Variants in PREX1 observed in about 807,000 individuals in gnomAD.
PREX1 encodes phosphatidylinositol-3,4,5-trisphosphate dependent Rac exchange factor 1.
A neutral mutation model predicts 198.3 loss-of-function variants in PREX1; 41 were observed. The observed-to-expected ratio is 0.21, with a 90% CI of 0.16 to 0.27. PREX1 has a LOEUF of 0.27. Ranked by LOEUF, PREX1 falls within the 10% of genes least tolerant of loss-of-function variation. PREX1 has a pLI of 1.00. For synonymous variants in PREX1, 843 were observed against 887.2 expected, an observed-to-expected ratio of 0.95 and a Z score of 0.89; for missense variants, 1,620 against 2,200.7, an observed-to-expected ratio of 0.74 and a Z score of 5.28.
intron 1 of PREX1, among the ~76,000 whole-genome samples, chr20:48,805,591 C>A (rs2090408425): frequency 6.6e-6 from 1 of 152,218 alleles, no homozygotes. Context: ...GAGGGGCAGC[C>A]AGCACCACAC....
At chr20:48,738,715 G>T (rs1293006589) in intron 3 of PREX1, among the ~76,000 whole-genome samples, 1 of 152,118 alleles carries the variant, frequency 6.6e-6, no homozygotes, top group African/African-American at 2.4e-5. Context: ...GCTGGAAACA[G>T]CCAGGGGAGG....
intron 1 of PREX1, among the ~76,000 whole-genome samples, chr20:48,783,396 G>C (rs1311727014): frequency 6.6e-6 from 1 of 152,054 alleles, no homozygotes; most frequent in Non-Finnish European, 1.5e-5. Flanking sequence ...GGAGGAACCA[G>C]TTACAGGGGC....
At chr20:48,694,925 ATGAGAAAGGATGAGGGTGTGTATGTG>A (rs2089837714) in intron 7 of PREX1, among the ~76,000 whole-genome samples, 1 of 152,160 alleles carries the variant, frequency 6.6e-6, no homozygotes, top group Admixed American at 6.5e-5. Flanking sequence ...AATCAACAAG[ATGAGAAAGGATGAGGGTGTGTATGTG>A]TGTGTTTGTG....
intron 14 of PREX1, among the ~76,000 whole-genome samples, chr20:48,675,510 G>T (rs140546458): frequency 6.6e-6 from 1 of 152,316 alleles, no homozygotes; most frequent in African/African-American, 2.4e-5. Flanking sequence ...AGTAAAATGA[G>T]CCAGGCACAA....
chr20:48,670,397 A>G (rs1422879125), intron 14 of PREX1, among the ~76,000 whole-genome samples: 1 of 150,980 alleles, frequency 6.6e-6, no homozygotes, highest in African/African-American at 2.4e-5. Flanking sequence ...GCATTTCTGC[A>G]GAGCCAGCAT....
At chr20:48,762,126 T>C (rs926336474) in intron 1 of PREX1, among the ~76,000 whole-genome samples, 4 of 152,200 alleles carry the variant, frequency 2.6e-5, no homozygotes, top group Non-Finnish European at 4.4e-5. Flanking sequence ...CAGACATCAC[T>C]AATGGAATGC....
In PREX1 at chr20:48,728,956, T is replaced by G. The variant is rs553871864; in HGVS notation, c.520-2565A>C. On this transcript the variant is annotated intron_variant, in intron 4 of 39. Transcript: ENST00000371941. Reference sequence around the variant, plus strand: ...AATGCTCAAAATTCACAGAAGTGAGTTAGATGAGGCGTCAACCTCATGGTC... The same window carrying G: ...AATGCTCAAAATTCACAGAAGTGAGGTAGATGAGGCGTCAACCTCATGGTC... Among the ~76,000 whole-genome samples the G allele has an allele frequency of 2.0e-5, 3 of 152,248 alleles. No homozygotes were observed. In the South Asian group the frequency reaches 6.2e-4, roughly 32 times the overall value.
intron 10 of PREX1, 35 bp from the exon 11 acceptor site, chr20:48,681,370 C>G: frequency 3.7e-6 from 6 of 1,602,768 alleles, no homozygotes; most frequent in Non-Finnish European, 5.1e-6. Context: ...GAGAGGATTT[C>G]CCCAATTCTG....
Position 48,624,412 on chromosome 20 carries a change from T to C in PREX1, c.*1473A>G, listed in dbSNP as rs991476248. 1 of 152,664 alleles carries C rather than the reference T, an allele frequency of 6.6e-6. No homozygotes were observed. The highest frequency in any genetic ancestry group is 6.5e-5 in the Admixed American group (1 of 15,286). The allele number at this position is 152,664 out of a possible 1,614,324, so 9.5% of individuals were successfully genotyped here. A position where few individuals can be genotyped will look rare whatever the true frequency, so the allele number is the denominator to read the frequency against. On this transcript the variant is annotated 3_prime_UTR_variant, in exon 40 of 40. Transcript: ENST00000371941. ...AAAGCGGGTCCTCCTTTGTCTCTGA[T>C]GCAAGATACAGTGACAAGGCCACTG...
intron 31 of PREX1, among the ~76,000 whole-genome samples, chr20:48,637,164 T>G (rs1195595628): frequency 1.3e-5 from 2 of 152,244 alleles, no homozygotes; most frequent in Non-Finnish European, 2.9e-5. Context: ...GTCCTTGACC[T>G]TGGCATGGTC....
chr20:48,661,468 T>TATATATATATATATATACAC (rs1373152651), intron 15 of PREX1, among the ~76,000 whole-genome samples: 11 of 76,800 alleles, frequency 1.4e-4, no homozygotes, highest in African/African-American at 8.0e-4. Context: ...TATATATATA[T>TATATATATATATATATACAC]ACACACACAT....
intron 15 of PREX1, among the ~76,000 whole-genome samples, chr20:48,663,098 C>T (rs182692153): frequency 5.8e-4 from 89 of 152,302 alleles, no homozygotes; most frequent in South Asian, 2.7e-3. Flanking sequence ...TACCTGCCCA[C>T]CTCAGCTGGG....
intron 15 of PREX1, among the ~76,000 whole-genome samples, chr20:48,660,624 T>C (rs888253447): frequency 6.6e-6 from 1 of 152,198 alleles, no homozygotes; most frequent in African/African-American, 2.4e-5. Flanking sequence ...AAAAGGAGTC[T>C]GTGTATAAGA....
chr20:48,672,105 C>G (rs2089679358), intron 14 of PREX1, among the ~76,000 whole-genome samples: 1 of 152,220 alleles, frequency 6.6e-6, no homozygotes, highest in Admixed American at 6.5e-5. Context: ...GCACCAGCCA[C>G]CAACACTGGA....
At chr20:48,808,057 G>A (rs2090419761) in intron 1 of PREX1, among the ~76,000 whole-genome samples, 2 of 152,170 alleles carry the variant, frequency 1.3e-5, no homozygotes, top group African/African-American at 4.8e-5. Flanking sequence ...TTTGTCAGTA[G>A]GAAAGGGGAG....
At position 48,679,390 on chromosome 20, in the gene PREX1, C is replaced by T. The variant is rs758183168; in HGVS notation, c.1559G>A (p.Arg520His). 4 of 1,613,626 alleles carry T rather than the reference C, an allele frequency of 2.5e-6. No homozygotes were observed. Among genetic ancestry groups the T allele is most frequent in the East Asian group, 2.2e-5 (1 of 44,878 alleles). ...CACCGGGGTGTAGAGGCTGTGAAGACGGCAGTAAAGCCTCACACCCTGAAA... is the reference window on the plus strand; with the variant it reads ...CACCGGGGTGTAGAGGCTGTGAAGATGGCAGTAAAGCCTCACACCCTGAAA... ...IMSKGVRLYC[R>H]LHSLYTPVIK... is the part of the protein sequence containing the mutation. The change falls in exon 13 of 40, where the codon CGT (arginine) becomes CAT (histidine). Residue 520 changes from arginine (R) to histidine (H), a missense_variant. Coordinates refer to ENST00000371941, the MANE Select transcript of PREX1 (RefSeq NM_020820.4).
intron 1 of PREX1, among the ~76,000 whole-genome samples, chr20:48,802,661 T>C (rs2090392822): frequency 6.6e-6 from 1 of 152,224 alleles, no homozygotes. Context: ...ATCCCAAACA[T>C]CAGAGATATG....
intron 37 of PREX1, 64 bp downstream of exon 37, chr20:48,629,385 C>G: frequency 6.3e-7 from 1 of 1,577,746 alleles, no homozygotes; most frequent in Non-Finnish European, 8.6e-7. Context: ...GCCACAGGAC[C>G]CCAAACTGAC....
At chr20:48,820,286 C>T (rs140973087) in intron 1 of PREX1, among the ~76,000 whole-genome samples, 3 of 152,374 alleles carry the variant, frequency 2.0e-5, no homozygotes, top group Non-Finnish European at 4.4e-5. Flanking sequence ...TGAGCCCGCA[C>T]ACAGTCACTG....
Sources: gnomAD v4.1 joint callset for allele counts (sites outside exome capture counted in the v4.1 genomes callset) on GRCh38, gnomAD v4.1.1 for gene constraint, MANE v1.5 for transcripts, NCBI Gene and HGNC (gene_info 2026-07-23, HGNC 2026-07-21) for gene names.